Variants in RC3H2 observed in about 807,000 individuals in gnomAD.
RC3H2 encodes the protein roquin-2.
A neutral mutation model predicts 133.3 loss-of-function variants in RC3H2; 31 were observed. The observed-to-expected ratio is 0.23, with a 90% confidence interval of 0.17 to 0.31. The LOEUF (loss-of-function observed/expected upper bound fraction) is 0.31, where lower values mean the gene tolerates loss of function less well. Among genes scored for constraint, RC3H2 ranks in the 10% least tolerant of loss-of-function variants. The pLI is 1.00. For synonymous variants in RC3H2, 517 were observed against 502.2 expected, an observed-to-expected ratio of 1.03 and a Z score of -0.40; for missense variants, 1,175 against 1,437.2, an observed-to-expected ratio of 0.82 and a Z score of 2.95.
At chr9:122,883,658 A>G (rs927693221) in intron 4 of RC3H2, among the ~76,000 whole-genome samples, 4 of 152,216 alleles carry the variant, frequency 2.6e-5, no homozygotes, top group African/African-American at 9.6e-5. Flanking sequence ...CAATTAGATG[A>G]TGATAATGTT....
intron 10 of RC3H2, among the ~76,000 whole-genome samples, chr9:122,861,490 C>CAAAAAAAA (rs1197442646): frequency 5.4e-5 from 3 of 55,640 alleles, no homozygotes; most frequent in African/African-American, 1.6e-4. Context: ...AACTCCGTCT[C>CAAAAAAAA]AAAAAAAAAA....
chr9:122,851,101 T>G lies in RC3H2; in HGVS notation c.3360A>C (p.Leu1120Phe), dbSNP rs1272950673. The G allele has an allele frequency of 6.2e-7, 1 of 1,614,214 alleles. No homozygotes were observed. The highest frequency in any genetic ancestry group is 2.2e-5 in the East Asian group (1 of 44,878). ...KEPPKQKKQS[L>F]GEDHVILEEQ... ...CTCACAGAATCACATGGTCTTCACC[T>G]AAACTCTGTTTCTTCTGCTTTGGTG... The change falls in exon 20 of 21, where the codon TTA (leucine) becomes TTC (phenylalanine). Residue 1120 changes from leucine (L) to phenylalanine (F), a missense_variant. Physicochemically the swap from Leu to Phe is conservative, Grantham distance 22. Coordinates refer to ENST00000357244, the MANE Select transcript of RC3H2 (RefSeq NM_001100588.3).
chr9:122,857,186 A>G (rs1216941783), intron 13 of RC3H2, among the ~76,000 whole-genome samples: 3 of 152,180 alleles, frequency 2.0e-5, no homozygotes, highest in Non-Finnish European at 2.9e-5. Context: ...CTATACTTGT[A>G]TATGTTTGAA....
chr9:122,871,750 A>G (rs1831113149), intron 9 of RC3H2, among the ~76,000 whole-genome samples: 3 of 151,126 alleles, frequency 2.0e-5, no homozygotes, highest in African/African-American at 7.3e-5. Context: ...ATTATGCTAT[A>G]TTTATTTATT....
Position 122,855,169 on chromosome 9 carries a change from A to C in RC3H2, c.2815+15T>G, listed in dbSNP as rs781132453. ...CTTAGAACATATCAGGCTAGGTATTATCTAAATGGATTACCTGATACACTG... is the reference window on the plus strand; with the variant it reads ...CTTAGAACATATCAGGCTAGGTATTCTCTAAATGGATTACCTGATACACTG... On this transcript the variant is annotated intron_variant, in intron 15 of 20. Coordinates refer to ENST00000357244, the MANE Select transcript of RC3H2 (RefSeq NM_001100588.3). The C allele has an allele frequency of 1.8e-5, 29 of 1,577,390 alleles. No homozygotes were observed. Among genetic ancestry groups the C allele is most frequent in the African/African-American group, 2.7e-5 (2 of 74,026 alleles).
At chr9:122,863,720 C>T (rs1316139671) in intron 10 of RC3H2, among the ~76,000 whole-genome samples, 1 of 152,074 alleles carries the variant, frequency 6.6e-6, no homozygotes, top group Non-Finnish European at 1.5e-5. Context: ...TAAAATCTTG[C>T]CCAGGGAAGA....
intron 9 of RC3H2, among the ~76,000 whole-genome samples, chr9:122,867,548 C>G (rs1162422706): frequency 5.7e-5 from 1 of 17,452 alleles, no homozygotes. Context: ...CGTGAGGAGC[C>G]CCTCTGCCTG....
At position 122,878,498 on chromosome 9, in the gene RC3H2, C is replaced by T. The variant is rs963804094; in HGVS notation, c.1213-915G>A. Among the ~76,000 whole-genome samples the T allele has an allele frequency of 2.0e-5, 3 of 151,984 alleles. No homozygotes were observed. In the South Asian group the frequency reaches 6.2e-4, roughly 32 times the overall value. Reference sequence around the variant, plus strand: ...TGTTAGCCAGGATGGTCTCGATCTCCTGACCTTGTGATCCGCCCGCCTCAG... The same window carrying T: ...TGTTAGCCAGGATGGTCTCGATCTCTTGACCTTGTGATCCGCCCGCCTCAG... On this transcript the variant is annotated intron_variant, in intron 8 of 20. Transcript: ENST00000357244.
chr9:122,873,191 C>A (rs963094454), intron 9 of RC3H2, among the ~76,000 whole-genome samples: 1 of 152,098 alleles, frequency 6.6e-6, no homozygotes, highest in African/African-American at 2.4e-5. Flanking sequence ...GACAAACAGC[C>A]TATCCTCAAA....
chr9:122,901,589 T>G (rs1319654771), intron 1 of RC3H2, among the ~76,000 whole-genome samples: 1 of 147,644 alleles, frequency 6.8e-6, no homozygotes, highest in African/African-American at 2.5e-5. Context: ...ATGCATTCTT[T>G]TTTTTTTTTT....
intron 18 of RC3H2, 104 bp downstream of exon 18, chr9:122,853,848 T>C: frequency 6.3e-7 from 1 of 1,597,818 alleles, no homozygotes; most frequent in South Asian, 1.1e-5. Context: ...CAATCATCCA[T>C]CAGAGATAGG....
chr9:122,852,820 G>A (rs1264015619), intron 18 of RC3H2, among the ~76,000 whole-genome samples: 5 of 150,184 alleles, frequency 3.3e-5, no homozygotes, highest in East Asian at 2.0e-4. Flanking sequence ...GCCTCTGCCC[G>A]GCCGCCCCTA....
At chr9:122,860,495 C>A (rs1369677840) in intron 10 of RC3H2, among the ~76,000 whole-genome samples, 1 of 149,322 alleles carries the variant, frequency 6.7e-6, no homozygotes, top group Non-Finnish European at 1.5e-5. Flanking sequence ...CTCACTGCAG[C>A]CTTGACCTCC....
At chr9:122,870,238 G>A (rs1249302476) in intron 9 of RC3H2, among the ~76,000 whole-genome samples, 2 of 152,002 alleles carry the variant, frequency 1.3e-5, no homozygotes, top group African/African-American at 4.8e-5. Context: ...AGCCAGAAGT[G>A]GTGGGACATG....
chr9:122,880,765 T>C lies in RC3H2; in HGVS notation c.789A>G (p.Leu263=), dbSNP rs566330451. The C allele has an allele frequency of 6.2e-7, 1 of 1,613,746 alleles. No homozygotes were observed. Among genetic ancestry groups the C allele is most frequent in the South Asian group, 1.1e-5 (1 of 91,080 alleles). ...KVTKRDEDSS[L]MQLKEEFRSY... ...TCCGAAATTCCTCCTTCAGCTGCAT[T>C]AGGGAAGAGTCTTCATCTCTTTTGG... The change falls in exon 6 of 21, where the codon CTA becomes CTG. Residue 263 remains leucine, a synonymous_variant. Coordinates refer to ENST00000357244, the MANE Select transcript of RC3H2 (RefSeq NM_001100588.3).
rs767019397 is a variant in RC3H2, at chr9:122,844,916, C to A, written c.*4711G>T. 3 of 152,168 alleles carry A rather than the reference C, an allele frequency of 2.0e-5. No individual in the cohort carries two copies. The highest frequency in any genetic ancestry group is 4.4e-5 in the Non-Finnish European group (3 of 68,028). The allele number at this position is 152,168 out of a possible 1,614,324, so 9.4% of individuals were successfully genotyped here. A position where few individuals can be genotyped will look rare whatever the true frequency, so the allele number is the denominator to read the frequency against. On this transcript the variant is annotated 3_prime_UTR_variant, in exon 21 of 21. Transcript: ENST00000357244. Reference sequence around the variant, plus strand: ...TTATTCCCATATATATTCCCCATTTCATTGTACAGAATTATTTTAAATTAT... The same window carrying A: ...TTATTCCCATATATATTCCCCATTTAATTGTACAGAATTATTTTAAATTAT...
chr9:122,871,822 A>G (rs1285099945), intron 9 of RC3H2, among the ~76,000 whole-genome samples: 1 of 152,010 alleles, frequency 6.6e-6, no homozygotes, highest in African/African-American at 2.4e-5. Context: ...CCTTTCTTGC[A>G]TCTCTCTATC....
chr9:122,884,861 A>C (rs962470475), intron 4 of RC3H2, among the ~76,000 whole-genome samples: 1 of 152,084 alleles, frequency 6.6e-6, no homozygotes, highest in Non-Finnish European at 1.5e-5. Flanking sequence ...CCAAAAAAAA[A>C]AAAAAAGAAA....
chr9:122,852,422 C>G (rs1361358283), intron 18 of RC3H2, among the ~76,000 whole-genome samples: 2 of 147,926 alleles, frequency 1.4e-5, no homozygotes, highest in East Asian at 2.0e-4. Context: ...GTCAGCCCCC[C>G]GCCTGGCCAG....
Sources: allele counts gnomAD v4.1 joint callset (sites outside exome capture counted in the v4.1 genomes callset), GRCh38; gene constraint gnomAD v4.1.1; transcripts MANE v1.5; gene names NCBI Gene and HGNC (gene_info 2026-07-23, HGNC 2026-07-21).